Variants in STEAP3 observed in about 807,000 individuals in gnomAD.
STEAP3 encodes the protein metalloreductase STEAP3.
In STEAP3, 35 loss-of-function variants were observed where a neutral mutation model predicts 34.9. That is an observed-to-expected ratio of 1.00 (90% CI 0.76 to 1.33). The LOEUF (loss-of-function observed/expected upper bound fraction) is 1.33, where lower values mean the gene tolerates loss of function less well. STEAP3 is among the 40% of genes most tolerant of loss of function. The probability of loss-of-function intolerance (pLI) is 0.00; values close to 1 mark genes in which losing one functional copy is unlikely to be tolerated. For missense variants in STEAP3, 652 were observed against 667.6 expected, an observed-to-expected ratio of 0.98 and a Z score of 0.26; for synonymous variants, 281 against 301.6, an observed-to-expected ratio of 0.93 and a Z score of 0.71.
At chr2:119,226,501 T>C (rs838105) in intron 1 of STEAP3, among the ~76,000 whole-genome samples, 150,614 of 152,290 alleles carry the variant, frequency 0.99, 74,506 homozygotes, top group Non-Finnish European at 1. Flanking sequence ...TGCTTTTTTC[T>C]GCTCCTACCC....
At chr2:119,254,632 G>C (rs762319366) in intron 4 of STEAP3, 52 bp from the exon 5 acceptor site, 17 of 1,605,172 alleles carry the variant, frequency 1.1e-5, no homozygotes, top group Non-Finnish European at 1.4e-5. Context: ...TTGCCCTCCC[G>C]GGGCACCAGC....
chr2:119,254,823 A>G lies in STEAP3; in HGVS notation c.1190A>G (p.Asn397Ser). 1.2e-6 allele frequency: 2 copies of G among 1,614,072 alleles called. No homozygotes were observed. The highest frequency in any genetic ancestry group is 2.2e-5 in the South Asian group (2 of 91,054). Residue 397 changes from asparagine to serine, a missense_variant, in exon 5 of 6, where the codon AAC becomes AGC. Transcript: ENST00000393110. ...CTGCCGTCCATTGCAAACTCGCTCA[A>G]CTGGAGGGAGTTCAGCTTCGTTCAG... ...TSLPSIANSLNWREFSFVQSS... is the reference protein window; with the variant it reads ...TSLPSIANSLSWREFSFVQSS...
At chr2:119,236,211 G>C (rs902493691) in intron 2 of STEAP3, among the ~76,000 whole-genome samples, 3 of 152,180 alleles carry the variant, frequency 2.0e-5, no homozygotes, top group African/African-American at 7.2e-5. Flanking sequence ...AAATATCCTA[G>C]AGAGGAATAG....
At chr2:119,226,490 G>T (rs1380041774) in intron 1 of STEAP3, among the ~76,000 whole-genome samples, 1 of 152,198 alleles carries the variant, frequency 6.6e-6, no homozygotes, top group African/African-American at 2.4e-5. Context: ...GGAAGGGTGT[G>T]TGCTTTTTTC....
chr2:119,262,450 C>T (rs1479658984), intron 5 of STEAP3, among the ~76,000 whole-genome samples: 4 of 152,160 alleles, frequency 2.6e-5, no homozygotes, highest in African/African-American at 9.7e-5. Flanking sequence ...TCTTGGCTCA[C>T]TGCAACCTTG....
chr2:119,248,264 T>G, intron 4 of STEAP3, 58 bp downstream of exon 4: 1 of 1,321,084 alleles, frequency 7.6e-7, no homozygotes, highest in African/African-American at 1.7e-5. Context: ...GTCCAGCACC[T>G]CCCCCCCCCA....
intron 4 of STEAP3, among the ~76,000 whole-genome samples, chr2:119,254,309 C>T (rs1677710828): frequency 6.6e-6 from 1 of 152,076 alleles, no homozygotes; most frequent in African/African-American, 2.4e-5. Context: ...CCTTACTCTG[C>T]TGATGTGACT....
chr2:119,250,367 C>T (rs1402119807), intron 4 of STEAP3, among the ~76,000 whole-genome samples: 2 of 152,242 alleles, frequency 1.3e-5, no homozygotes, highest in African/African-American at 4.8e-5. Context: ...GAACAAAGAT[C>T]TTGACCTTGA....
At chr2:119,253,267 C>T (rs764502560) in intron 4 of STEAP3, among the ~76,000 whole-genome samples, 1 of 152,176 alleles carries the variant, frequency 6.6e-6, no homozygotes, top group African/African-American at 2.4e-5. Context: ...ACTCCTGGTC[C>T]CTTAGTGGCT....
intron 1 of STEAP3, among the ~76,000 whole-genome samples, chr2:119,224,760 C>T (rs549680554): frequency 1.4e-4 from 22 of 152,288 alleles, no homozygotes; most frequent in African/African-American, 5.1e-4. Context: ...TTCTGTCCAT[C>T]AGAGTGCAGC....
chr2:119,263,212 CCT>C lies in STEAP3; in HGVS notation c.1372_1373del (p.Leu458ValfsTer77), dbSNP rs1558761161. 6.2e-7 allele frequency: 1 copy of C among 1,614,166 alleles called. No homozygotes were observed. Among genetic ancestry groups the C allele is most frequent in the Admixed American group, 1.7e-5 (1 of 60,024 alleles). Reference protein sequence around the residue: ...VPCVVILAKALFLLPCISRRL... With the variant: ...VPCVVILAKAXFLLPCISRRL... The stretch of plus-strand genomic sequence containing the variant: ...CCTGCGTCGTCATCCTGGCCAAAGC[CCT>C]GTTTCTCCTGCCCTGCATCAGCCGC... On this transcript the variant is annotated frameshift_variant, in exon 6 of 6. Coordinates refer to ENST00000393110, the MANE Select transcript of STEAP3 (RefSeq NM_182915.3). LOFTEE classifies it high-confidence loss of function.
rs1420548920 is a variant in STEAP3 at position 119,247,661 on chromosome 2, C to T, written c.523-18C>T. On this transcript the variant is annotated intron_variant, in intron 3 of 5. Coordinates refer to ENST00000393110, the MANE Select transcript of STEAP3 (RefSeq NM_182915.3). Reference sequence around the variant, plus strand: ...GTGGCCTGTGACGCCGTCTGACTGCCCCACTTTTCTCCCGCAGGTGCCCAT... The same window carrying T: ...GTGGCCTGTGACGCCGTCTGACTGCTCCACTTTTCTCCCGCAGGTGCCCAT... 3.3e-6 allele frequency: 5 copies of T among 1,512,890 alleles called. No individual in the cohort carries two copies. The highest frequency in any genetic ancestry group is 4.4e-6 in the Non-Finnish European group (5 of 1,137,268). 93.7% of individuals were successfully genotyped at this position (1,512,890 alleles called of 1,614,324 possible). A position where few individuals can be genotyped will look rare whatever the true frequency, so the allele number is the denominator to read the frequency against.
In STEAP3 at chr2:119,263,408, T is replaced by C. The variant is rs574854030; in HGVS notation, c.*70T>C. 3.2e-6 allele frequency: 5 copies of C among 1,553,720 alleles called. No homozygotes were observed. In the East Asian group the frequency reaches 9.6e-5, roughly 30 times the overall value. The stretch of plus-strand genomic sequence containing the variant: ...GCCCTGAGCCCGTTAGGTTTTCTTT[T>C]CTTGGTGGTGCAAAGTGGTATAACT... On this transcript the variant is annotated 3_prime_UTR_variant, in exon 6 of 6. Coordinates refer to ENST00000393110, the MANE Select transcript of STEAP3 (RefSeq NM_182915.3).
At chr2:119,238,029 C>T (rs1329441417) in intron 2 of STEAP3, among the ~76,000 whole-genome samples, 8 of 152,162 alleles carry the variant, frequency 5.3e-5, no homozygotes, top group African/African-American at 1.2e-4. Flanking sequence ...ATTAATCCAC[C>T]GGATGGATAG....
intron 5 of STEAP3, among the ~76,000 whole-genome samples, chr2:119,256,071 C>T (rs2104841806): frequency 6.6e-6 from 1 of 152,318 alleles, no homozygotes; most frequent in Admixed American, 6.5e-5. Flanking sequence ...TGTAACAGGG[C>T]AGAGAACAGC....
intron 1 of STEAP3, among the ~76,000 whole-genome samples, chr2:119,227,810 GTATT>G (rs57135393): frequency 0.076 from 11,016 of 145,308 alleles, 535 homozygotes; most frequent in South Asian, 0.21. Context: ...CCCATTTCTT[GTATT>G]TATTTATTTA....
At chr2:119,246,059 G>C in intron 3 of STEAP3, 71 bp downstream of exon 3, 1 of 1,531,668 alleles carries the variant, frequency 6.5e-7, no homozygotes, top group East Asian at 2.3e-5. Flanking sequence ...AGTGCTGCCA[G>C]CATGCTCTTT....
chr2:119,265,091 C>G lies in STEAP3; in HGVS notation c.*1753C>G, dbSNP rs1446262043. ...GGTAAAGCAGAGATTTTAGCATTGC[C>G]TTGGCATAACAAGGGCCCATCGATT... is the stretch of plus-strand genomic sequence containing the variant. On this transcript the variant is annotated 3_prime_UTR_variant, in exon 6 of 6. Transcript: ENST00000393110. 2 of 152,216 alleles carry G rather than the reference C, an allele frequency of 1.3e-5. No individual in the cohort carries two copies. The highest frequency in any genetic ancestry group is 4.8e-5 in the African/African-American group (2 of 41,454). 9.4% of individuals were successfully genotyped at this position (152,216 alleles called of 1,614,324 possible). A position where few individuals can be genotyped will look rare whatever the true frequency, so the allele number is the denominator to read the frequency against.
chr2:119,229,846 G>C (rs2104789752), intron 1 of STEAP3, among the ~76,000 whole-genome samples: 1 of 144,292 alleles, frequency 6.9e-6, no homozygotes, highest in South Asian at 2.1e-4. Flanking sequence ...GAGGGGTAGT[G>C]GAAGTCAGTC....
Sources: gnomAD v4.1 joint callset for allele counts (sites outside exome capture counted in the v4.1 genomes callset) on GRCh38, gnomAD v4.1.1 for gene constraint, MANE v1.5 for transcripts, NCBI Gene and HGNC (gene_info 2026-07-23, HGNC 2026-07-21) for gene names.